Variants in RP9 observed in about 807,000 individuals in gnomAD.
The protein encoded by RP9 is RP9 pre-mRNA splicing factor.
RP9 carries 23 observed loss-of-function variants against 32.6 expected under a neutral mutation model. The ratio of observed to expected loss-of-function variants is 0.71; its 90% CI spans 0.51 to 1.00. RP9 has a LOEUF of 1.00. Among genes scored for constraint, RP9 ranks in the 50% least tolerant of loss-of-function variants. The probability of loss-of-function intolerance (pLI) is 0.00; values close to 1 mark genes in which losing one functional copy is unlikely to be tolerated. For missense variants in RP9, 245 were observed against 285.3 expected (o/e 0.86, Z 1.02); for synonymous variants, 94 against 103.6 (o/e 0.91, Z 0.56).
intron 1 of RP9, among the ~76,000 whole-genome samples, chr7:33,105,705 T>A (rs543020471): frequency 1.0e-3 from 154 of 152,304 alleles, no homozygotes; most frequent in African/African-American, 3.5e-3. Context: ...CAGAGAGGCC[T>A]GAAAAATCTG....
At chr7:33,107,090 G>A (rs1406015470) in intron 1 of RP9, among the ~76,000 whole-genome samples, 1 of 152,166 alleles carries the variant, frequency 6.6e-6, no homozygotes, top group Admixed American at 6.5e-5. Context: ...CTATTTTTTG[G>A]TAGCACTTTT....
At chr7:33,095,872 C>T (rs983393499) in intron 5 of RP9, among the ~76,000 whole-genome samples, 3 of 152,026 alleles carry the variant, frequency 2.0e-5, no homozygotes, top group Non-Finnish European at 4.4e-5. Flanking sequence ...TCCTCTGTCA[C>T]CTAGGCTGGA....
chr7:33,096,881 T>C (rs1258700320), intron 4 of RP9, among the ~76,000 whole-genome samples: 2 of 152,116 alleles, frequency 1.3e-5, no homozygotes, highest in African/African-American at 2.4e-5. Flanking sequence ...AGAAAAAATA[T>C]ACGGACACTT....
At chr7:33,096,912 A>G (rs1012318339) in intron 4 of RP9, among the ~76,000 whole-genome samples, 4 of 152,232 alleles carry the variant, frequency 2.6e-5, no homozygotes, top group African/African-American at 9.6e-5. Flanking sequence ...GTTTAAAGAC[A>G]TGTACTCTTT....
chr7:33,109,151 G>A lies in RP9; in HGVS notation c.152+70C>T, dbSNP rs2128034537. ...CGGAGGACCCGGCCTAGCGCCCACC[G>A]CGGCGTCCCGCGCCCCGGGCCCCTG... On this transcript the variant is annotated intron_variant, in intron 1 of 5. Transcript: ENST00000297157. The surrounding 1 kb of genome is among the most constrained non-coding windows in gnomAD (Gnocchi z 4.9). 1.4e-6 allele frequency: 2 copies of A among 1,455,930 alleles called. No homozygotes were observed. Among genetic ancestry groups the A allele is most frequent in the East Asian group, 3.1e-5 (1 of 32,226 alleles). The allele number at this position is 1,455,930 out of a possible 1,614,324, so 90.2% of individuals were successfully genotyped here.
chr7:33,104,941 T>C (rs1015099707), intron 1 of RP9, among the ~76,000 whole-genome samples: 2 of 152,160 alleles, frequency 1.3e-5, no homozygotes, highest in African/African-American at 2.4e-5. Context: ...AGTTTTAGGA[T>C]AGAATAAAGA....
chr7:33,099,107 G>A (rs1788386666), intron 3 of RP9, 200 bp downstream of exon 3: 1 of 647,406 alleles, frequency 1.5e-6, no homozygotes, highest in Admixed American at 2.5e-5. Context: ...TTTCTTCCTG[G>A]CTTAAGATGA....
At position 33,100,687 on chromosome 7, in the gene RP9, G is replaced by C. The variant is rs758613144; in HGVS notation, c.153-126C>G. ...TAGCAACAATAAGCTTTTATCACTG[G>C]TTTGCAGACAAGCAATCACCTGAGA... is the stretch of plus-strand genomic sequence containing the variant. On this transcript the variant is annotated intron_variant, in intron 1 of 5. Transcript: ENST00000297157. 4 of 796,268 alleles carry C rather than the reference G, an allele frequency of 5.0e-6. No individual in the cohort carries two copies. In the African/African-American group the frequency reaches 6.8e-5, roughly 14 times the overall value. The allele number at this position is 796,268 out of a possible 1,614,324, so 49.3% of individuals were successfully genotyped here.
At position 33,094,891 on chromosome 7, in the gene RP9, C is replaced by A. The variant is rs956637581; in HGVS notation, c.*343G>T. The A allele has an allele frequency of 5.4e-6, 2 of 373,264 alleles. No individual in the cohort carries two copies. Among genetic ancestry groups the A allele is most frequent in the African/African-American group, 2.0e-5 (1 of 49,130 alleles). The allele number at this position is 373,264 out of a possible 1,614,324, so 23.1% of individuals were successfully genotyped here. On this transcript the variant is annotated 3_prime_UTR_variant, in exon 6 of 6. Transcript: ENST00000297157. ...ACCTGAGTCCACACTGTGGAGGGCACAAGCTGTGGGAGGGCCTGGAAGACA... is the reference window on the plus strand; with the variant it reads ...ACCTGAGTCCACACTGTGGAGGGCAAAAGCTGTGGGAGGGCCTGGAAGACA...
Position 33,109,392 on chromosome 7 carries a change from C to T in RP9, c.-20G>A. The T allele has an allele frequency of 8.3e-7, 1 of 1,204,246 alleles. No homozygotes were observed. The highest frequency in any genetic ancestry group is 1.0e-6 in the Non-Finnish European group (1 of 966,524). The allele number at this position is 1,204,246 out of a possible 1,614,324, so 74.6% of individuals were successfully genotyped here. A position where few individuals can be genotyped will look rare whatever the true frequency, so the allele number is the denominator to read the frequency against. On this transcript the variant is annotated 5_prime_UTR_variant, in exon 1 of 6. Transcript: ENST00000297157. This position sits in a 1 kb window ranked among gnomAD's most constrained non-coding sequence, Gnocchi z 4.9. ...CGACATGTCAGCCCCCGCAGCGCCG[C>T]TCGGGCAACCCCCGCGGCGCGGCTC...
At position 33,097,327 on chromosome 7, in the gene RP9, C is replaced by G; in HGVS notation, c.349G>C (p.Asp117His). ...TTGATAAAGAAAGGGCATTCTTTGT[C>G]ACCCGTTCGGTGACCATAGCGTTTG... ...RCKRYGHRTG[D>H]KECPFFIKGN... is the part of the protein sequence containing the mutation. The change falls in exon 4 of 6, where the codon GAC (aspartate) becomes CAC (histidine). Residue 117 changes from aspartate to histidine, a missense_variant. By Grantham distance (81) the Asp-to-His change is moderately conservative. Coordinates refer to ENST00000297157, the MANE Select transcript of RP9 (RefSeq NM_203288.2). 6.2e-7 allele frequency: 1 copy of G among 1,614,028 alleles called. No individual in the cohort carries two copies. The highest frequency in any genetic ancestry group is 8.5e-7 in the Non-Finnish European group (1 of 1,179,944).
Position 33,099,332 on chromosome 7 carries a change from C to T in RP9, c.288G>A (p.Leu96=), listed in dbSNP as rs1203861943. The stretch of plus-strand genomic sequence containing the variant: ...ACTGCATAACTTTGACTTCTTTCCC[C>T]AGTGGCATCCAAAGTCCTTTAGTTG... ...HAPTKGLWMP[L]GKEVKVMQCW... Residue 96 remains leucine, a synonymous_variant, in exon 3 of 6, where the codon CTG becomes CTA. Transcript: ENST00000297157. The T allele has an allele frequency of 1.2e-6, 2 of 1,613,570 alleles. No homozygotes were observed. The highest frequency in any genetic ancestry group is 2.2e-5 in the East Asian group (1 of 44,886).
chr7:33,101,179 T>C (rs1272224078), intron 1 of RP9, among the ~76,000 whole-genome samples: 1 of 152,106 alleles, frequency 6.6e-6, no homozygotes, highest in Non-Finnish European at 1.5e-5. Flanking sequence ...GGCTGCAACA[T>C]AGAGAAACAC....
At position 33,100,557 on chromosome 7, in the gene RP9, C is replaced by T. The variant is rs770824356; in HGVS notation, c.157G>A (p.Glu53Lys). 1.7e-5 allele frequency: 27 copies of T among 1,613,258 alleles called. No homozygotes were observed. The highest frequency in any genetic ancestry group is 3.3e-5 in the Admixed American group (2 of 59,990). Reference protein sequence around the residue: ...QQLKHLESFYEKPPPGLIKED... With the variant: ...QQLKHLESFYKKPPPGLIKED... ...TTGATAAGCCCAGGAGGAGGTTTTT[C>T]GTAACTGGAAAACAAAAAACAAAAC... The change falls in exon 2 of 6, where the codon GAA becomes AAA. Residue 53 changes from glutamate (E) to lysine (K), a missense_variant. By Grantham distance (56) the Glu-to-Lys change is moderately conservative. This residue lies in a region of RP9 where 182 missense variants were observed against 175.5 expected (regional missense o/e 1.04). Transcript: ENST00000297157.
chr7:33,094,909 G>A lies in RP9; in HGVS notation c.*325C>T. On this transcript the variant is annotated 3_prime_UTR_variant, in exon 6 of 6. Coordinates refer to ENST00000297157, the MANE Select transcript of RP9 (RefSeq NM_203288.2). ...GAGGGCACAAGCTGTGGGAGGGCCT[G>A]GAAGACACGCCTCAGAGATTCTCCC... 2 of 413,186 alleles carry A rather than the reference G, an allele frequency of 4.8e-6. No homozygotes were observed. The highest frequency in any genetic ancestry group is 4.4e-6 in the Non-Finnish European group (1 of 226,166). The allele number at this position is 413,186 out of a possible 1,614,324, so 25.6% of individuals were successfully genotyped here.
At chr7:33,104,152 T>C (rs1014352925) in intron 1 of RP9, among the ~76,000 whole-genome samples, 3 of 151,268 alleles carry the variant, frequency 2.0e-5, no homozygotes, top group South Asian at 4.2e-4. Flanking sequence ...ACAGAAGAGA[T>C]AGAGCAACAG....
At chr7:33,107,395 A>G (rs1391924249) in intron 1 of RP9, among the ~76,000 whole-genome samples, 1 of 152,240 alleles carries the variant, frequency 6.6e-6, no homozygotes, top group African/African-American at 2.4e-5. Context: ...TCTGAGCTAC[A>G]AATAAGTGGA....
intron 1 of RP9, among the ~76,000 whole-genome samples, chr7:33,105,035 G>A (rs1788478450): frequency 6.6e-6 from 1 of 152,184 alleles, no homozygotes. Context: ...TTGGTAAAAT[G>A]TGAGAGTAAA....
At position 33,096,562 on chromosome 7, in the gene RP9, G is replaced by C. The variant is rs1351565419; in HGVS notation, c.406-8C>G. On this transcript the variant is annotated splice_polypyrimidine_tract_variant and splice_region_variant and intron_variant, in intron 4 of 5. Coordinates refer to ENST00000297157, the MANE Select transcript of RP9 (RefSeq NM_203288.2). ...CATGGGATCTTCATGTGCCTTAAGG[G>C]TCAGAGAAGGTTAAGGTTTGGTTAG... 3 of 1,604,228 alleles carry C rather than the reference G, an allele frequency of 1.9e-6. No individual in the cohort carries two copies. The highest frequency in any genetic ancestry group is 2.6e-6 in the Non-Finnish European group (3 of 1,171,026).
Sources: gnomAD v4.1 joint callset for allele counts (sites outside exome capture counted in the v4.1 genomes callset) on GRCh38, gnomAD v4.1.1 for gene constraint, gnomAD v4.1.1 regional missense constraint, Gnocchi (gnomAD v3.1) non-coding constraint, MANE v1.5 for transcripts, NCBI Gene and HGNC (gene_info 2026-07-23, HGNC 2026-07-21) for gene names.